Variants in ENPP2 observed in about 807,000 individuals in gnomAD.
ENPP2 encodes the protein autotaxin.
ENPP2 carries 51 observed loss-of-function variants against 120.2 expected under a neutral mutation model. The observed-to-expected ratio is 0.42, with a 90% CI of 0.34 to 0.54. ENPP2 has a LOEUF of 0.54. Ranked by LOEUF, ENPP2 falls within the 20% of genes least tolerant of loss-of-function variation. The pLI is 0.04. For synonymous variants in ENPP2, 365 were observed against 366.4 expected, an observed-to-expected ratio of 1.00 and a Z score of 0.04; for missense variants, 920 against 1,066.5, an observed-to-expected ratio of 0.86 and a Z score of 1.91.
At chr8:119,653,953 T>C (rs1489000820) in intron 1 of ENPP2, among the ~76,000 whole-genome samples, 1 of 147,902 alleles carries the variant, frequency 6.8e-6, no homozygotes, top group African/African-American at 2.5e-5. Context: ...ATATATAATA[T>C]GTAATATAAT....
upstream of ENPP2, among the ~76,000 whole-genome samples, chr8:119,642,826 C>T (rs563186794): frequency 2.4e-4 from 37 of 152,180 alleles, no homozygotes; most frequent in South Asian, 8.3e-4. Flanking sequence ...TTATTCTATG[C>T]GTCCTTGTTC....
rs150714590 is a variant in ENPP2 at position 119,669,668 on chromosome 8, G to C, written c.21+3584C>G. ...ACTGGAGGTTCATTACAACTCAAAG[G>C]AGTCTCAGAGTTGACTTGTCATGAA... On this transcript the variant is annotated intron_variant, in intron 1 of 25. Transcript: ENST00000427067. Among the ~76,000 whole-genome samples, 340 of 152,290 alleles carry C rather than the reference G, an allele frequency of 2.2e-3. 1 individual carries two copies. The highest frequency in any genetic ancestry group is 3.9e-3 in the Non-Finnish European group (264 of 68,034).
chr8:119,664,152 A>G (rs1327121241), intron 1 of ENPP2, among the ~76,000 whole-genome samples: 2 of 152,214 alleles, frequency 1.3e-5, no homozygotes, highest in Non-Finnish European at 2.9e-5. Context: ...TATGAAAGTT[A>G]TAAAAATGGG....
At chr8:119,614,212 C>G (rs1446104294) in intron 8 of ENPP2, among the ~76,000 whole-genome samples, 1 of 151,756 alleles carries the variant, frequency 6.6e-6, no homozygotes, top group Non-Finnish European at 1.5e-5. Context: ...ATTACAGGTG[C>G]CTGCCACCAC....
Position 119,607,709 on chromosome 8 carries a change from A to G in ENPP2, c.833+213T>C, listed in dbSNP as rs114126614. ...AAAAATAGAGAGAGACAGGATGGAAAAAAGGAGAGCTGGAGGACAAAAAGA... is the reference window on the plus strand; with the variant it reads ...AAAAATAGAGAGAGACAGGATGGAAGAAAGGAGAGCTGGAGGACAAAAAGA... On this transcript the variant is annotated intron_variant, in intron 9 of 24. Transcript: ENST00000075322. Among the ~76,000 whole-genome samples the G allele has an allele frequency of 7.6e-3, 1,156 of 152,178 alleles. 14 individuals carry two copies. The highest frequency in any genetic ancestry group is 0.027 in the African/African-American group (1,109 of 41,518).
intron 3 of ENPP2, among the ~76,000 whole-genome samples, chr8:119,622,540 G>C (rs1379846954): frequency 6.6e-6 from 1 of 152,166 alleles, no homozygotes; most frequent in Non-Finnish European, 1.5e-5. Flanking sequence ...AAGGAGTGCT[G>C]TGTTTTTTGA....
At chr8:119,650,059 C>A (rs2130871200) in intron 1 of ENPP2, among the ~76,000 whole-genome samples, 1 of 152,286 alleles carries the variant, frequency 6.6e-6, no homozygotes, top group Middle Eastern at 3.4e-3. Flanking sequence ...CATACATCCA[C>A]ACAAAACTTG....
At chr8:119,601,540 C>A (rs1814308750) in intron 9 of ENPP2, 78 bp from the exon 10 acceptor site, 3 of 1,014,298 alleles carry the variant, frequency 3.0e-6, no homozygotes, top group Non-Finnish European at 1.6e-6. Flanking sequence ...CTCGCTCTTG[C>A]ACCCAGGCCA....
intron 1 of ENPP2, among the ~76,000 whole-genome samples, chr8:119,653,107 A>C (rs1435017882): frequency 6.6e-6 from 1 of 152,028 alleles, no homozygotes; most frequent in Non-Finnish European, 1.5e-5. Flanking sequence ...GCCTAGCCAG[A>C]CTCCGTCTAG....
intron 19 of ENPP2, among the ~76,000 whole-genome samples, chr8:119,574,358 C>T (rs1207464896): frequency 6.6e-6 from 1 of 151,468 alleles, no homozygotes; most frequent in Non-Finnish European, 1.5e-5. Flanking sequence ...GCCTCTGCTT[C>T]TGCAATATGT....
intron 11 of ENPP2, among the ~76,000 whole-genome samples, chr8:119,600,156 G>T (rs1259628985): frequency 2.0e-5 from 3 of 151,990 alleles, no homozygotes; most frequent in Non-Finnish European, 1.5e-5. Context: ...ATATACCTAT[G>T]CCAAAATGTA....
At chr8:119,619,600 G>A (rs1815740786) in intron 4 of ENPP2, among the ~76,000 whole-genome samples, 1 of 151,246 alleles carries the variant, frequency 6.6e-6, no homozygotes. Flanking sequence ...AAAATTTCAT[G>A]TTTGTATCCC....
chr8:119,611,090 T>C (rs1030064989), intron 8 of ENPP2, among the ~76,000 whole-genome samples: 3 of 152,204 alleles, frequency 2.0e-5, no homozygotes, highest in African/African-American at 7.2e-5. Context: ...TATCTTGTGA[T>C]GTGCTATTTA....
At chr8:119,559,125 C>T (rs532247524) in intron 24 of ENPP2, among the ~76,000 whole-genome samples, 2 of 152,212 alleles carry the variant, frequency 1.3e-5, no homozygotes, top group East Asian at 1.9e-4. Flanking sequence ...AAGATCTCTG[C>T]GATTCACAGG....
In ENPP2 at chr8:119,638,836, C is replaced by T. The variant is rs902243175; in HGVS notation, c.-56G>A. The T allele has an allele frequency of 6.2e-7, 1 of 1,612,838 alleles. No individual in the cohort carries two copies. The highest frequency in any genetic ancestry group is 8.5e-7 in the Non-Finnish European group (1 of 1,178,898). The stretch of plus-strand genomic sequence containing the variant: ...GTGTTCTCTTTGCCTTCACGGAGTG[C>T]ACTGCTTTGAGGCTCTGGGTTTAGT... On this transcript the variant is annotated 5_prime_UTR_variant, in exon 1 of 25. Coordinates refer to ENST00000075322, the MANE Select transcript of ENPP2 (RefSeq NM_001040092.3).
At chr8:119,597,656 G>T (rs560068896) in intron 11 of ENPP2, among the ~76,000 whole-genome samples, 1 of 152,106 alleles carries the variant, frequency 6.6e-6, no homozygotes, top group Non-Finnish European at 1.5e-5. Flanking sequence ...CTGTAGGCCC[G>T]GAAGAGCAGC....
Position 119,575,284 on chromosome 8 carries a change from G to A in ENPP2, c.1781-4443C>T, listed in dbSNP as rs1812256057. On this transcript the variant is annotated intron_variant, in intron 19 of 24. Transcript: ENST00000075322. ...TACTCTTCTGCTTGGCCTTTTGGGT[G>A]GTCTCCAGTTGGGTGCTGGCCGCTG... is the stretch of plus-strand genomic sequence containing the variant. Among the ~76,000 whole-genome samples the A allele has an allele frequency of 3.3e-5, 5 of 151,978 alleles. No individual in the cohort carries two copies. The South Asian group carries it at 1.0e-3, about 32-fold the overall frequency.
intron 4 of ENPP2, 108 bp from the exon 5 acceptor site, chr8:119,619,412 T>C: frequency 3.5e-6 from 2 of 564,040 alleles, no homozygotes; most frequent in Non-Finnish European, 2.7e-6. Context: ...CTTTATGGGA[T>C]ATAACAAAAA....
intron 2 of ENPP2, among the ~76,000 whole-genome samples, chr8:119,635,755 C>A (rs988200258): frequency 1.3e-4 from 20 of 152,092 alleles, no homozygotes; most frequent in African/African-American, 4.8e-4. Context: ...TCTTTTATGA[C>A]CTGGTATAAA....
Sources: gnomAD v4.1 joint callset for allele counts (sites outside exome capture counted in the v4.1 genomes callset) on GRCh38, gnomAD v4.1.1 for gene constraint, MANE v1.5 for transcripts, NCBI Gene and HGNC (gene_info 2026-07-23, HGNC 2026-07-21) for gene names.